Variants in EYA2 observed in about 807,000 individuals in gnomAD.
The protein encoded by EYA2 is EYA transcriptional coactivator and phosphatase 2.
Under a neutral mutation model 69.2 loss-of-function variants are expected in EYA2, and 31 were observed. That is an observed-to-expected ratio of 0.45 (90% confidence interval 0.34 to 0.60). The LOEUF (loss-of-function observed/expected upper bound fraction) is 0.60. EYA2 is among the 20% of genes least tolerant of loss of function. The probability of loss-of-function intolerance (pLI) is 0.02; values close to 1 mark genes in which losing one functional copy is unlikely to be tolerated. For missense variants in EYA2, 622 were observed against 701.2 expected (o/e 0.89, Z 1.28); for synonymous variants, 257 against 279.4 (o/e 0.92, Z 0.80).
chr20:47,049,020 G>T (rs78740978), intron 5 of EYA2, among the ~76,000 whole-genome samples: 5,251 of 152,248 alleles, frequency 0.034, 312 homozygotes, highest in African/African-American at 0.12. Context: ...GGTGCTATTT[G>T]AAGACCCATT....
At chr20:47,131,561 A>G (rs74915206) in intron 9 of EYA2, among the ~76,000 whole-genome samples, 3,329 of 152,238 alleles carry the variant, frequency 0.022, 114 homozygotes, top group East Asian at 0.09. Context: ...AGCTGTGATT[A>G]TGTGTCCCTA....
At chr20:47,082,880 A>G (rs1380446482) in intron 7 of EYA2, among the ~76,000 whole-genome samples, 2 of 152,146 alleles carry the variant, frequency 1.3e-5, no homozygotes, top group Non-Finnish European at 2.9e-5. Context: ...AGACAAATAA[A>G]TCAATGGAAC....
chr20:46,990,952 G>A (rs906922302), intron 2 of EYA2, among the ~76,000 whole-genome samples: 2 of 152,218 alleles, frequency 1.3e-5, no homozygotes, highest in African/African-American at 4.8e-5. Context: ...AGGCTTCCAT[G>A]AGTAATTATT....
chr20:47,166,292 C>T (rs1973927), intron 10 of EYA2, among the ~76,000 whole-genome samples: 31,425 of 147,822 alleles, frequency 0.21, 3,775 homozygotes, highest in African/African-American at 0.35. Context: ...CCCAACTACT[C>T]GAGAGGCTGA....
chr20:47,187,641 A>G (rs1204689971), intron 15 of EYA2, among the ~76,000 whole-genome samples: 1 of 152,168 alleles, frequency 6.6e-6, no homozygotes, highest in African/African-American at 2.4e-5. Flanking sequence ...GCCTCAAGCA[A>G]TCCTCCCGCC....
chr20:46,960,495 T>C (rs552201159), intron 1 of EYA2, among the ~76,000 whole-genome samples: 4 of 152,288 alleles, frequency 2.6e-5, no homozygotes, highest in South Asian at 4.1e-4. Context: ...GTGATTCCCA[T>C]TGGTGGATGA....
At chr20:46,934,794 G>A (rs74553795) in intron 1 of EYA2, among the ~76,000 whole-genome samples, 8,541 of 152,290 alleles carry the variant, frequency 0.056, 737 homozygotes, top group African/African-American at 0.18. Context: ...GGCCCAGAGG[G>A]AGAGAAGTGG....
Position 47,034,933 on chromosome 20 carries a change from C to T in EYA2, c.415+18636C>T, listed in dbSNP as rs1984613987. On this transcript the variant is annotated intron_variant, in intron 5 of 15. Transcript: ENST00000327619. ...CCCCCATCACCACATGGCATTCTCT[C>T]TGTGTGTCTGGGTCCAAATTTCCTT... Among the ~76,000 whole-genome samples, 3 of 152,234 alleles carry T rather than the reference C, an allele frequency of 2.0e-5. No individual in the cohort carries two copies. The South Asian group carries it at 6.2e-4, about 31-fold the overall frequency.
At chr20:47,054,681 T>C (rs1239983812) in intron 5 of EYA2, among the ~76,000 whole-genome samples, 3 of 152,164 alleles carry the variant, frequency 2.0e-5, no homozygotes, top group African/African-American at 7.2e-5. Flanking sequence ...TACAGAGTTC[T>C]TTCTGCTGCT....
At chr20:47,069,357 T>TA (rs2031228118) in intron 5 of EYA2, among the ~76,000 whole-genome samples, 1 of 152,064 alleles carries the variant, frequency 6.6e-6, no homozygotes, top group South Asian at 2.1e-4. Flanking sequence ...TAACTGGGCA[T>TA]AGTGGTGGGC....
intron 9 of EYA2, among the ~76,000 whole-genome samples, chr20:47,114,457 A>C (rs890571032): frequency 2.0e-5 from 3 of 152,172 alleles, no homozygotes; most frequent in Non-Finnish European, 4.4e-5. Flanking sequence ...TCTACTAAAA[A>C]TACAAAAATT....
chr20:46,931,957 T>G (rs1353816461), intron 1 of EYA2, among the ~76,000 whole-genome samples: 1 of 150,066 alleles, frequency 6.7e-6, no homozygotes, highest in Non-Finnish European at 1.5e-5. Flanking sequence ...CACTGTGTCC[T>G]CAGCGCTGTG....
chr20:46,916,310 C>T (rs146826448), intron 1 of EYA2, among the ~76,000 whole-genome samples: 92 of 152,200 alleles, frequency 6.0e-4, no homozygotes, highest in African/African-American at 2.1e-3. Flanking sequence ...TCTTTAACTG[C>T]TCGAGAAAGG....
chr20:46,979,282 C>G lies in EYA2; in HGVS notation c.-10-10719C>G, dbSNP rs566367430. Among the ~76,000 whole-genome samples the G allele has an allele frequency of 1.3e-4, 20 of 152,290 alleles. No homozygotes were observed. The South Asian group carries it at 3.5e-3, about 27-fold the overall frequency. ...CCAGCTGTCATCTCTCGGGCTCCCC[C>G]ACTTCTTCCCAGTCCCCAGGGACAG... On this transcript the variant is annotated intron_variant, in intron 1 of 15. Coordinates refer to ENST00000327619, the MANE Select transcript of EYA2 (RefSeq NM_005244.5).
At chr20:46,918,514 C>T (rs1985031722) in intron 1 of EYA2, among the ~76,000 whole-genome samples, 1 of 152,042 alleles carries the variant, frequency 6.6e-6, no homozygotes, top group South Asian at 2.1e-4. Context: ...ACCAGGTTAC[C>T]CAGAGTGGTC....
rs568825458 is a variant in EYA2, at chr20:47,017,283, GTAAAATGATA to G, written c.415+987_415+996del. On this transcript the variant is annotated intron_variant, in intron 5 of 15. Coordinates refer to ENST00000327619, the MANE Select transcript of EYA2 (RefSeq NM_005244.5). ...AAATTACCATCAAGGGTCTGAAAGG[GTAAAATGATA>G]AGATGGTGGGCTGATGTGTGATTGT... 7.5e-4 allele frequency among the ~76,000 whole-genome samples: 114 copies of G among 152,284 alleles called. No individual in the cohort carries two copies. In the East Asian group the frequency reaches 0.017, roughly 23 times the overall value.
intron 1 of EYA2, among the ~76,000 whole-genome samples, chr20:46,898,127 C>G (rs1983902619): frequency 6.6e-6 from 1 of 151,880 alleles, no homozygotes; most frequent in Admixed American, 6.6e-5. Context: ...TGATGTGGTT[C>G]CCCTTATCTG....
At chr20:46,897,374 A>G (rs1983864082) in intron 1 of EYA2, among the ~76,000 whole-genome samples, 2 of 152,218 alleles carry the variant, frequency 1.3e-5, no homozygotes, top group Admixed American at 6.5e-5. Context: ...AAGCACGTCC[A>G]CTTTAAGACG....
chr20:47,022,235 CCCTT>C (rs1983798697), intron 5 of EYA2, among the ~76,000 whole-genome samples: 1 of 152,058 alleles, frequency 6.6e-6, no homozygotes, highest in Admixed American at 6.6e-5. Flanking sequence ...TCTTTTAGGA[CCCTT>C]CCTTTATGAA....
Sources: gnomAD v4.1 joint callset for allele counts (sites outside exome capture counted in the v4.1 genomes callset) on GRCh38, gnomAD v4.1.1 for gene constraint, MANE v1.5 for transcripts, NCBI Gene and HGNC (gene_info 2026-07-23, HGNC 2026-07-21) for gene names.